Variants in FAM193A observed in about 807,000 individuals in gnomAD.
FAM193A encodes protein FAM193A.
A neutral mutation model predicts 126.5 loss-of-function variants in FAM193A; 22 were observed. The observed-to-expected ratio is 0.17, with a 90% confidence interval of 0.12 to 0.25. The LOEUF is 0.25. Among genes scored for constraint, FAM193A ranks in the 10% least tolerant of loss-of-function variants. FAM193A has a pLI of 1.00. For synonymous variants in FAM193A, 761 were observed against 646.8 expected, an observed-to-expected ratio of 1.18 and a Z score of -2.68; for missense variants, 1,675 against 1,672.8, an observed-to-expected ratio of 1.00 and a Z score of -0.02.
chr4:2,603,760 AT>A (rs1423732933), intron 2 of FAM193A, among the ~76,000 whole-genome samples: 8 of 151,442 alleles, frequency 5.3e-5, no homozygotes, highest in Non-Finnish European at 1.2e-4. Flanking sequence ...AATTTTCATT[AT>A]TTTCTAGTTT....
intron 1 of FAM193A, among the ~76,000 whole-genome samples, chr4:2,560,653 T>C (rs2108838564): frequency 6.6e-6 from 1 of 152,342 alleles, no homozygotes; most frequent in South Asian, 2.1e-4. Flanking sequence ...TGTTAATTCA[T>C]GGAAACTCAG....
At chr4:2,684,564 A>G (rs1577201470) in intron 13 of FAM193A, among the ~76,000 whole-genome samples, 2 of 150,794 alleles carry the variant, frequency 1.3e-5, no homozygotes, top group South Asian at 4.1e-4. Flanking sequence ...TTAGGAGGTT[A>G]TGTTTTGCTC....
intron 7 of FAM193A, chr4:2,655,188 A>G: frequency 1.6e-6 from 1 of 625,308 alleles, no homozygotes; most frequent in Non-Finnish European, 2.9e-6. Context: ...ACTTTCTAGC[A>G]AATTAAAGAA....
At chr4:2,588,095 CTG>C (rs1740334329) in intron 1 of FAM193A, among the ~76,000 whole-genome samples, 1 of 152,172 alleles carries the variant, frequency 6.6e-6, no homozygotes, top group Non-Finnish European at 1.5e-5. Context: ...CCTCAGCAGT[CTG>C]TGAATACCCA....
chr4:2,713,190 A>G (rs909515495), intron 19 of FAM193A, among the ~76,000 whole-genome samples: 2 of 151,658 alleles, frequency 1.3e-5, no homozygotes, highest in Admixed American at 6.6e-5. Context: ...GCAGATCATG[A>G]GGTCAAGAGA....
chr4:2,700,522 A>C lies in FAM193A; in HGVS notation c.4350A>C (p.Gly1450=). The C allele has an allele frequency of 1.2e-6, 2 of 1,611,682 alleles. No homozygotes were observed. The highest frequency in any genetic ancestry group is 1.7e-6 in the Non-Finnish European group (2 of 1,179,330). Residue 1450 remains glycine, a synonymous_variant, in exon 19 of 21, where the codon GGA becomes GGC. Transcript: ENST00000637812. ...GKNKKNKKKK[G]DRVNNSIDDV... ...ACAAGAAAAATAAGAAGAAGAAAGG[A>C]GACAGAGTCAACAATTCAATTGGTA... is the stretch of plus-strand genomic sequence containing the variant.
At position 2,716,013 on chromosome 4, in the gene FAM193A, T is replaced by G. The variant is rs1306337530; in HGVS notation, c.4373-10T>G. The G allele has an allele frequency of 6.6e-7, 1 of 1,521,036 alleles. No individual in the cohort carries two copies. Among genetic ancestry groups the G allele is most frequent in the Non-Finnish European group, 9.1e-7 (1 of 1,095,070 alleles). The allele number at this position is 1,521,036 out of a possible 1,614,324, so 94.2% of individuals were successfully genotyped here. A position where few individuals can be genotyped will look rare whatever the true frequency, so the allele number is the denominator to read the frequency against. On this transcript the variant is annotated splice_polypyrimidine_tract_variant and intron_variant, in intron 19 of 20. Transcript: ENST00000637812. ...GTAATTTGACTTGCTGCTTCTCTTT[T>G]GTTTTACAGATGATGTCTTTCTACC...
At chr4:2,731,711 G>A in intron 20 of FAM193A, 64 bp from the exon 21 acceptor site, 2 of 1,287,472 alleles carry the variant, frequency 1.6e-6, no homozygotes, top group Non-Finnish European at 1.1e-6. Flanking sequence ...GATGGGCTTT[G>A]CCAAGCACCA....
At chr4:2,663,647 T>C (rs1309998453) in intron 12 of FAM193A, among the ~76,000 whole-genome samples, 2 of 152,198 alleles carry the variant, frequency 1.3e-5, no homozygotes, top group Admixed American at 1.3e-4. Flanking sequence ...TAGCTTTTTT[T>C]CTCAGAATTT....
At chr4:2,572,478 C>G (rs1453820808) in intron 1 of FAM193A, among the ~76,000 whole-genome samples, 8 of 152,226 alleles carry the variant, frequency 5.3e-5, no homozygotes, top group Admixed American at 3.3e-4. Flanking sequence ...TGGGCGTTCT[C>G]CAGTCTTCCT....
intron 12 of FAM193A, among the ~76,000 whole-genome samples, chr4:2,668,000 C>T (rs1713325367): frequency 6.6e-6 from 1 of 152,028 alleles, no homozygotes; most frequent in Admixed American, 6.6e-5. Flanking sequence ...AGCTCCTGGG[C>T]TCAAGCAGTC....
intron 20 of FAM193A, among the ~76,000 whole-genome samples, chr4:2,716,323 A>G (rs1028024709): frequency 7.9e-5 from 12 of 152,178 alleles, no homozygotes; most frequent in African/African-American, 2.9e-4. Flanking sequence ...TCCCCCTCAC[A>G]TGCTAGAAAA....
At chr4:2,562,304 C>G (rs1738664830) in intron 1 of FAM193A, among the ~76,000 whole-genome samples, 1 of 151,940 alleles carries the variant, frequency 6.6e-6, no homozygotes, top group African/African-American at 2.4e-5. Flanking sequence ...TAGAAAAAAT[C>G]AGCTGGCTGC....
chr4:2,566,419 G>A (rs1312498516), intron 1 of FAM193A, among the ~76,000 whole-genome samples: 1 of 152,198 alleles, frequency 6.6e-6, no homozygotes, highest in African/African-American at 2.4e-5. Context: ...GCCAGTTGCG[G>A]TGGCTCACAC....
chr4:2,725,511 C>T (rs949005066), intron 20 of FAM193A, among the ~76,000 whole-genome samples: 1 of 147,900 alleles, frequency 6.8e-6, no homozygotes, highest in Admixed American at 6.7e-5. Flanking sequence ...AATGTGAGAG[C>T]GGGTACATCC....
intron 13 of FAM193A, among the ~76,000 whole-genome samples, chr4:2,680,973 T>C (rs1010717858): frequency 8.5e-5 from 13 of 152,244 alleles, no homozygotes; most frequent in Admixed American, 8.5e-4. Context: ...ACCTTTTATG[T>C]TTTTTTCTTA....
rs181346331 is a variant in FAM193A at position 2,604,591 on chromosome 4, G to A, written c.501+8262G>A. Among the ~76,000 whole-genome samples, 689 of 152,144 alleles carry A rather than the reference G, an allele frequency of 4.5e-3. 2 individuals are homozygous for A. Among genetic ancestry groups the A allele is most frequent in the Middle Eastern group, 0.01 (3 of 292 alleles). On this transcript the variant is annotated intron_variant, in intron 2 of 20. Transcript: ENST00000637812. Reference sequence around the variant, plus strand: ...TACTGCACGGACCCCATCTGTGGTCGTGCCTTTCTCCTGAAGGGCGTTGTT... The same window carrying A: ...TACTGCACGGACCCCATCTGTGGTCATGCCTTTCTCCTGAAGGGCGTTGTT...
In FAM193A at chr4:2,663,216, G is replaced by T; in HGVS notation, c.2007G>T (p.Val669=). 1.9e-6 allele frequency: 3 copies of T among 1,614,118 alleles called. No individual in the cohort carries two copies. The African/African-American group carries it at 4.0e-5, about 22-fold the overall frequency. The change falls in exon 12 of 21, where the codon GTG becomes GTT. Residue 669 remains valine (V), a synonymous_variant. Coordinates refer to ENST00000637812, the MANE Select transcript of FAM193A (RefSeq NM_001366318.2). ...EPPGAPKEDG[V]LGSRSPRTEE... is the part of the protein sequence containing the mutation. Reference sequence around the variant, plus strand: ...CAGGGGCCCCGAAGGAAGATGGAGTGCTGGGAAGCAGGAGCCCCAGGACAG... The same window carrying T: ...CAGGGGCCCCGAAGGAAGATGGAGTTCTGGGAAGCAGGAGCCCCAGGACAG...
intron 12 of FAM193A, among the ~76,000 whole-genome samples, chr4:2,665,322 T>C (rs1712988409): frequency 6.6e-6 from 1 of 152,248 alleles, no homozygotes. Flanking sequence ...GCAGCTTTAC[T>C]AAACTTGTTT....
Sources: allele counts gnomAD v4.1 joint callset (sites outside exome capture counted in the v4.1 genomes callset), GRCh38; gene constraint gnomAD v4.1.1; transcripts MANE v1.5; gene names NCBI Gene and HGNC (gene_info 2026-07-23, HGNC 2026-07-21).